The following ADAM32 variants were observed in gnomAD, a reference collection of about 807,000 sequenced individuals.
ADAM32 encodes the protein disintegrin and metalloproteinase domain-containing protein 32.
Under a neutral mutation model 114.9 loss-of-function variants are expected in ADAM32, and 89 were observed. That is an observed-to-expected ratio of 0.77 (90% confidence interval 0.65 to 0.92). The LOEUF (loss-of-function observed/expected upper bound fraction) is 0.92, where lower values mean the gene tolerates loss of function less well. ADAM32 is among the 40% of genes least tolerant of loss of function. ADAM32 has a pLI of 0.00. For synonymous variants in ADAM32, 285 were observed against 307.5 expected, an observed-to-expected ratio of 0.93 and a Z score of 0.77; for missense variants, 870 against 932.8, an observed-to-expected ratio of 0.93 and a Z score of 0.88.
At chr8:39,238,088 A>G (rs1810307142) in intron 16 of ADAM32, among the ~76,000 whole-genome samples, 1 of 152,258 alleles carries the variant, frequency 6.6e-6, no homozygotes, top group Non-Finnish European at 1.5e-5. Context: ...GTCTGTCCAC[A>G]TAACAACTTC....
intron 9 of ADAM32, 47 bp from the exon 10 acceptor site, chr8:39,169,869 T>A (rs200808161): frequency 1.7e-4 from 240 of 1,383,760 alleles, no homozygotes; most frequent in Non-Finnish European, 2.2e-4. Flanking sequence ...TTCTCATTTT[T>A]AAATTGTCTG....
chr8:39,265,150 T>G (rs909574407), intron 19 of ADAM32, among the ~76,000 whole-genome samples: 1 of 152,240 alleles, frequency 6.6e-6, no homozygotes, highest in East Asian at 1.9e-4. Context: ...CGTAGGTCTC[T>G]AGGAACTTGT....
At chr8:39,249,499 T>C (rs560130682) in intron 17 of ADAM32, among the ~76,000 whole-genome samples, 3 of 152,268 alleles carry the variant, frequency 2.0e-5, no homozygotes, top group South Asian at 4.1e-4. Context: ...AGGGTAAGGA[T>C]GGCCTGATAG....
intron 6 of ADAM32, chr8:39,157,643 A>G: frequency 3.2e-6 from 2 of 632,392 alleles, no homozygotes; most frequent in East Asian, 3.6e-5. Context: ...GGTAGTGTCA[A>G]TGAACTTAAG....
At chr8:39,164,135 C>A (rs2129446160) in intron 7 of ADAM32, among the ~76,000 whole-genome samples, 1 of 152,286 alleles carries the variant, frequency 6.6e-6, no homozygotes, top group African/African-American at 2.4e-5. Context: ...CCCATTAGAG[C>A]CACACTGATC....
chr8:39,147,925 C>A (rs934310178), intron 4 of ADAM32, among the ~76,000 whole-genome samples: 1 of 152,052 alleles, frequency 6.6e-6, no homozygotes, highest in African/African-American at 2.4e-5. Context: ...AGGCATGCAC[C>A]ACCATGCCCA....
intron 1 of ADAM32, among the ~76,000 whole-genome samples, chr8:39,114,300 A>G (rs181710352): frequency 5.0e-4 from 76 of 152,340 alleles, no homozygotes; most frequent in Admixed American, 2.5e-3. Context: ...AGGAGTCTGC[A>G]GGGGAAGATT....
At chr8:39,112,355 G>A (rs1409282306) in intron 1 of ADAM32, among the ~76,000 whole-genome samples, 2 of 152,000 alleles carry the variant, frequency 1.3e-5, no homozygotes, top group Non-Finnish European at 2.9e-5. Flanking sequence ...TTTCTTCAAT[G>A]TGTTATTGAT....
At chr8:39,207,921 G>A (rs954717302) in intron 11 of ADAM32, among the ~76,000 whole-genome samples, 2 of 152,038 alleles carry the variant, frequency 1.3e-5, no homozygotes, top group African/African-American at 2.4e-5. Flanking sequence ...TTTTTATGGT[G>A]GAATAATATT....
intron 16 of ADAM32, among the ~76,000 whole-genome samples, chr8:39,239,729 A>G (rs754594973): frequency 3.3e-5 from 5 of 152,212 alleles, no homozygotes; most frequent in Admixed American, 6.5e-5. Context: ...AAGGGGTGGA[A>G]AAAGATATTA....
intron 1 of ADAM32, among the ~76,000 whole-genome samples, chr8:39,109,636 A>G (rs1010360047): frequency 2.0e-5 from 3 of 152,194 alleles, no homozygotes; most frequent in African/African-American, 7.2e-5. Flanking sequence ...AAGAGTTCCC[A>G]TATAGCCCCT....
chr8:39,212,180 C>A (rs1808265382), intron 12 of ADAM32, among the ~76,000 whole-genome samples: 5 of 152,080 alleles, frequency 3.3e-5, no homozygotes, highest in Non-Finnish European at 7.4e-5. Flanking sequence ...TCATGCCTGG[C>A]TAAGTTTGTA....
Position 39,186,994 on chromosome 8 carries a change from C to T in ADAM32, c.1001C>T (p.Pro334Leu). ...ALSLGISYDD[P>L]KKCQCSESTC... is the part of the protein sequence containing the mutation. Reference sequence around the variant, plus strand: ...AGTCTGGGAATATCATATGACGACCCAAAGAAATGTCAATGTTCAGAATCC... The same window carrying T: ...AGTCTGGGAATATCATATGACGACCTAAAGAAATGTCAATGTTCAGAATCC... The change falls in exon 11 of 25, where the codon CCA becomes CTA. Residue 334 changes from proline to leucine, a missense_variant. Pro to Leu is a moderately conservative substitution (Grantham distance 98). Transcript: ENST00000379907. 1.9e-6 allele frequency: 3 copies of T among 1,613,112 alleles called. No homozygotes were observed. The highest frequency in any genetic ancestry group is 2.5e-6 in the Non-Finnish European group (3 of 1,179,418).
At chr8:39,163,648 G>A (rs571238747) in intron 7 of ADAM32, among the ~76,000 whole-genome samples, 2 of 152,330 alleles carry the variant, frequency 1.3e-5, no homozygotes, top group Admixed American at 1.3e-4. Context: ...CTAGATAACA[G>A]TTGCTGTTCT....
Position 39,211,195 on chromosome 8 carries a change from A to G in ADAM32, c.1104A>G (p.Gln368=). Residue 368 remains glutamine, a synonymous_variant, in exon 12 of 25, where the codon CAA becomes CAG. Coordinates refer to ENST00000379907, the MANE Select transcript of ADAM32 (RefSeq NM_145004.7). The part of the protein sequence containing the change: ...TFSSCSLRSF[Q]NFISNVGVKC... ...GCAGTTGCAGTTTGAGGAGCTTTCA[A>G]AATTTCATTTCAAATGTGGGTGTCA... 6.2e-7 allele frequency: 1 copy of G among 1,606,186 alleles called. No homozygotes were observed. The highest frequency in any genetic ancestry group is 8.5e-7 in the Non-Finnish European group (1 of 1,177,010).
chr8:39,250,725 A>T (rs2129450303), intron 17 of ADAM32, among the ~76,000 whole-genome samples: 1 of 152,086 alleles, frequency 6.6e-6, no homozygotes, highest in African/African-American at 2.4e-5. Context: ...ACAATAGGTT[A>T]TTTTAAACTC....
At chr8:39,167,797 G>C (rs1455484601) in intron 9 of ADAM32, 1 of 151,988 alleles carries the variant, frequency 6.6e-6, no homozygotes, top group Non-Finnish European at 1.5e-5. Flanking sequence ...TTTTTTTGCA[G>C]CTATTGTGAA....
chr8:39,189,176 A>T (rs1014491207), intron 11 of ADAM32, among the ~76,000 whole-genome samples: 8 of 152,174 alleles, frequency 5.3e-5, no homozygotes, highest in Non-Finnish European at 8.8e-5. Context: ...GATAGGCATT[A>T]TCCCTATTAT....
At chr8:39,116,655 C>T (rs183405490) in intron 1 of ADAM32, among the ~76,000 whole-genome samples, 18 of 152,182 alleles carry the variant, frequency 1.2e-4, no homozygotes, top group Non-Finnish European at 2.4e-4. Context: ...ATAGGGTTTT[C>T]TAGGTGTAGA....
Sources: allele counts gnomAD v4.1 joint callset (sites outside exome capture counted in the v4.1 genomes callset), GRCh38; gene constraint gnomAD v4.1.1; transcripts MANE v1.5; gene names NCBI Gene and HGNC (gene_info 2026-07-23, HGNC 2026-07-21).